The following LAMC3 variants were observed in gnomAD, a reference collection of about 807,000 sequenced individuals.
LAMC3 encodes laminin subunit gamma 3.
A neutral mutation model predicts 173.8 loss-of-function variants in LAMC3; 128 were observed. The ratio of observed to expected loss-of-function variants is 0.74; its 90% confidence interval spans 0.64 to 0.85. The LOEUF (loss-of-function observed/expected upper bound fraction) is 0.85, where lower values mean the gene tolerates loss of function less well. Among genes scored for constraint, LAMC3 ranks in the 40% least tolerant of loss-of-function variants. The pLI, the probability that LAMC3 is intolerant of heterozygous loss-of-function variation, is 0.00. For missense variants in LAMC3, 2,022 were observed against 2,156.0 expected, an observed-to-expected ratio of 0.94 and a Z score of 1.23; for synonymous variants, 897 against 909.1, an observed-to-expected ratio of 0.99 and a Z score of 0.24.
chr9:131,048,037 C>T (rs1159169972), intron 8 of LAMC3, among the ~76,000 whole-genome samples: 2 of 145,880 alleles, frequency 1.4e-5, no homozygotes, highest in African/African-American at 2.5e-5. Flanking sequence ...TGAGCCACCA[C>T]ACCCAGCTGA....
intron 10 of LAMC3, 76 bp from the exon 11 acceptor site, chr9:131,052,774 G>A: frequency 2.9e-6 from 4 of 1,383,160 alleles, no homozygotes; most frequent in South Asian, 1.2e-5. Flanking sequence ...GTAGTCTGGG[G>A]GGCTACCCCC....
At chr9:131,073,944 C>CTTTTTTTTTTTT (rs57877574) in intron 20 of LAMC3, among the ~76,000 whole-genome samples, 2 of 90,826 alleles carry the variant, frequency 2.2e-5, no homozygotes, top group Non-Finnish European at 4.2e-5. Flanking sequence ...CTTTTCTTTT[C>CTTTTTTTTTTTT]TTTTTTTTTT....
chr9:131,062,863 C>A (rs1265529426), intron 13 of LAMC3, among the ~76,000 whole-genome samples: 1 of 150,072 alleles, frequency 6.7e-6, no homozygotes, highest in Non-Finnish European at 1.5e-5. Flanking sequence ...AGCAAGACTC[C>A]ATCTCAAAAA....
intron 9 of LAMC3, among the ~76,000 whole-genome samples, chr9:131,050,432 C>T (rs567247407): frequency 2.6e-5 from 4 of 152,278 alleles, no homozygotes; most frequent in South Asian, 2.1e-4. Flanking sequence ...ATTCTGCCTA[C>T]GAGCACTCAG....
chr9:131,032,263 G>C, intron 3 of LAMC3, 88 bp downstream of exon 3: 1 of 625,096 alleles, frequency 1.6e-6, no homozygotes, highest in Non-Finnish European at 3.0e-6. Flanking sequence ...GGGGGTGGGG[G>C]GGCACAGAAG....
In LAMC3 at chr9:131,022,243, C is replaced by CACACAT. The variant is rs1554782478; in HGVS notation, c.374-4041_374-4040insCACATA. Among the ~76,000 whole-genome samples the CACACAT allele has an allele frequency of 3.3e-5, 5 of 151,616 alleles. No individual in the cohort carries two copies. In the East Asian group the frequency reaches 5.8e-4, roughly 18 times the overall value. ...ACACACACACACACACACACACACA[C>CACACAT]ATATATATGTATTTTTTTAATAGAG... On this transcript the variant is annotated intron_variant, in intron 1 of 27. Transcript: ENST00000361069.
chr9:131,078,513 C>T (rs1472431945), intron 22 of LAMC3, among the ~76,000 whole-genome samples: 1 of 152,074 alleles, frequency 6.6e-6, no homozygotes, highest in Admixed American at 6.6e-5. Flanking sequence ...ACAAAAAAAA[C>T]TCAGCTTATA....
intron 2 of LAMC3, among the ~76,000 whole-genome samples, chr9:131,031,510 G>A (rs1302239680): frequency 6.6e-6 from 1 of 152,212 alleles, no homozygotes; most frequent in Non-Finnish European, 1.5e-5. Context: ...AGCATGTGAG[G>A]AGCCAAGAAA....
chr9:131,018,042 C>T lies in LAMC3; in HGVS notation c.374-8243C>T, dbSNP rs117234183. 3.9e-4 allele frequency among the ~76,000 whole-genome samples: 59 copies of T among 151,808 alleles called. No homozygotes were observed. The East Asian group carries it at 0.011, about 28-fold the overall frequency. On this transcript the variant is annotated intron_variant, in intron 1 of 27. Transcript: ENST00000361069. ...CTCCATCTCAAAAAATAAATAAATA[C>T]ATAAATAAAAGAAAGCAGCTTAATC...
chr9:131,073,944 C>CT lies in LAMC3; in HGVS notation c.3494+643dup, dbSNP rs57877574. ...TGTTTTCTTTTTTTTCTTTTCTTTT[C>CT]TTTTTTTTTTTTTTTTTTTTGAGAC... is the stretch of plus-strand genomic sequence containing the variant. On this transcript the variant is annotated intron_variant, in intron 20 of 27. Transcript: ENST00000361069. Among the ~76,000 whole-genome samples the CT allele has an allele frequency of 3.1e-3, 280 of 90,776 alleles. 2 individuals are homozygous for CT. The highest frequency in any genetic ancestry group is 3.4e-3 in the Admixed American group (27 of 8,034). 59.6% of individuals were successfully genotyped at this position (90,776 alleles called of 152,430 possible). A position where few individuals can be genotyped will look rare whatever the true frequency, so the allele number is the denominator to read the frequency against.
chr9:131,061,635 C>A (rs757514069), intron 13 of LAMC3, among the ~76,000 whole-genome samples: 10 of 152,340 alleles, frequency 6.6e-5, no homozygotes, highest in Non-Finnish European at 1.2e-4. Flanking sequence ...TACGCCCACC[C>A]TTGTTCCCAG....
At chr9:131,014,075 T>G (rs1833475453) in intron 1 of LAMC3, among the ~76,000 whole-genome samples, 1 of 152,210 alleles carries the variant, frequency 6.6e-6, no homozygotes, top group African/African-American at 2.4e-5. Context: ...TCCAGGCCCC[T>G]GGGCCCAGCT....
Position 131,091,648 on chromosome 9 carries a change from G to A in LAMC3, c.4589G>A (p.Ser1530Asn), listed in dbSNP as rs1449384479. Reference sequence around the variant, plus strand: ...CCGGGGTCCTTGCAGAGGAAACTCAGTCTGCTGGAGCAGGAATCCCAGCAG... The same window carrying A: ...CCGGGGTCCTTGCAGAGGAAACTCAATCTGCTGGAGCAGGAATCCCAGCAG... ...GSPGSLQRKL[S>N]LLEQESQQQE... is the part of the protein sequence containing the mutation. The change falls in exon 28 of 28, where the codon AGT (serine) becomes AAT (asparagine). Residue 1530 changes from serine (S) to asparagine (N), a missense_variant. Coordinates refer to ENST00000361069, the MANE Select transcript of LAMC3 (RefSeq NM_006059.4). The A allele has an allele frequency of 6.2e-7, 1 of 1,605,560 alleles. No homozygotes were observed. The highest frequency in any genetic ancestry group is 8.5e-7 in the Non-Finnish European group (1 of 1,176,428).
chr9:131,074,700 A>G (rs1830092718), intron 20 of LAMC3, among the ~76,000 whole-genome samples: 2 of 22,184 alleles, frequency 9.0e-5, no homozygotes, highest in Admixed American at 2.5e-4. Flanking sequence ...CATCTCAAAG[A>G]AAAAAAAAAA....
At position 131,039,111 on chromosome 9, in the gene LAMC3, C is replaced by T; in HGVS notation, c.1166-20C>T. 1 of 1,611,826 alleles carries T rather than the reference C, an allele frequency of 6.2e-7. No homozygotes were observed. The highest frequency in any genetic ancestry group is 8.5e-7 in the Non-Finnish European group (1 of 1,179,920). The stretch of plus-strand genomic sequence containing the variant: ...TCTCCCTTTCCTGGCCTCAATTGCC[C>T]TGTGCCCTTCCTCTCCCAGGCTCCC... On this transcript the variant is annotated intron_variant, in intron 5 of 27. Coordinates refer to ENST00000361069, the MANE Select transcript of LAMC3 (RefSeq NM_006059.4).
In LAMC3 at chr9:131,063,418, G is replaced by C. The variant is rs144064142; in HGVS notation, c.2347+2195G>C. ...ACATACTTGAGGGAGGATTTCAGGG[G>C]AGCAGGCAGTGCTGTGTGCAGAGGG... On this transcript the variant is annotated intron_variant, in intron 13 of 27. Transcript: ENST00000361069. Among the ~76,000 whole-genome samples the C allele has an allele frequency of 1.1e-3, 165 of 152,354 alleles. 1 individual carries two copies. In the East Asian group the frequency reaches 0.013, roughly 12 times the overall value.
intron 7 of LAMC3, among the ~76,000 whole-genome samples, chr9:131,044,004 G>C (rs1834103143): frequency 6.6e-6 from 1 of 150,476 alleles, no homozygotes; most frequent in African/African-American, 2.5e-5. Flanking sequence ...TTTTGCTCAG[G>C]CTGGAGTGAA....
chr9:131,075,929 G>A lies in LAMC3; in HGVS notation c.3593G>A (p.Arg1198Lys), dbSNP rs1239824189. The A allele has an allele frequency of 6.2e-7, 1 of 1,610,724 alleles. No homozygotes were observed. The highest frequency in any genetic ancestry group is 1.7e-5 in the Admixed American group (1 of 59,882). The change falls in exon 21 of 28, where the codon AGG becomes AAG. Residue 1198 changes from arginine (R) to lysine (K), a missense_variant. Arg to Lys is a conservative substitution (Grantham distance 26, BLOSUM62 2). Coordinates refer to ENST00000361069, the MANE Select transcript of LAMC3 (RefSeq NM_006059.4). ...CTTCTCTGGAATCTGCTGGAGGGAA[G>A]GGTGGCCCTAGAGACCCAGCGGGAC... ...YALLWNLLEG[R>K]VALETQRDLE...
At chr9:131,088,701 TG>T (rs1339349594) in intron 27 of LAMC3, among the ~76,000 whole-genome samples, 2 of 152,186 alleles carry the variant, frequency 1.3e-5, no homozygotes, top group African/African-American at 4.8e-5. Flanking sequence ...CATCTCCAAC[TG>T]AAGCTCTGTC....
Sources: allele counts gnomAD v4.1 joint callset (sites outside exome capture counted in the v4.1 genomes callset), GRCh38; gene constraint gnomAD v4.1.1; transcripts MANE v1.5; gene names NCBI Gene and HGNC (gene_info 2026-07-23, HGNC 2026-07-21).